ZFAND3: variants seen among roughly 807,000 people sequenced by gnomAD.
ZFAND3 encodes AN1-type zinc finger protein 3.
Under a neutral mutation model 29.6 loss-of-function variants are expected in ZFAND3, and 10 were observed. That is an observed-to-expected ratio of 0.34 (90% confidence interval 0.21 to 0.57). ZFAND3 has a LOEUF of 0.57. ZFAND3 is among the 20% of genes least tolerant of loss of function. ZFAND3 has a pLI of 0.86. For synonymous variants in ZFAND3, 128 were observed against 112.6 expected (o/e 1.14, Z -0.87); for missense variants, 230 against 304.5 (o/e 0.76, Z 1.82).
intron 2 of ZFAND3, among the ~76,000 whole-genome samples, chr6:37,999,876 C>G (rs1269248625): frequency 6.6e-6 from 1 of 152,112 alleles, no homozygotes; most frequent in Non-Finnish European, 1.5e-5. Flanking sequence ...TTAATTGTAA[C>G]AAATATACCA....
rs73730822 is a variant in ZFAND3 at position 37,852,544 on chromosome 6, T to G, written c.71+32528T>G. Among the ~76,000 whole-genome samples the G allele has an allele frequency of 5.1e-3, 779 of 152,324 alleles. 9 individuals carry two copies. The highest frequency in any genetic ancestry group is 0.017 in the African/African-American group (723 of 41,576). ...CACCTCATGCACATATCTTGCCGTTTCCAAACTCCATGCCTTCTTATTTCT... is the reference window on the plus strand; with the variant it reads ...CACCTCATGCACATATCTTGCCGTTGCCAAACTCCATGCCTTCTTATTTCT... On this transcript the variant is annotated intron_variant, in intron 1 of 5. Transcript: ENST00000287218.
intron 1 of ZFAND3, among the ~76,000 whole-genome samples, chr6:37,841,900 C>G (rs185677041): frequency 7.9e-4 from 120 of 152,306 alleles, no homozygotes; most frequent in African/African-American, 2.7e-3. Flanking sequence ...GCTACTATAA[C>G]AAAATACTTG....
chr6:38,011,066 A>G lies in ZFAND3; in HGVS notation c.113-50527A>G, dbSNP rs368980171. On this transcript the variant is annotated intron_variant, in intron 2 of 5. Transcript: ENST00000287218. ...CTCATTTTGCTTTTTCTAAAAATTC[A>G]TATTAATGGATGTATACAGTTGTGT... Among the ~76,000 whole-genome samples, 240 of 152,164 alleles carry G rather than the reference A, an allele frequency of 1.6e-3. 1 individual carries two copies. The highest frequency in any genetic ancestry group is 5.4e-3 in the African/African-American group (225 of 41,516).
At chr6:37,886,875 A>T (rs1765004518) in intron 1 of ZFAND3, among the ~76,000 whole-genome samples, 1 of 152,128 alleles carries the variant, frequency 6.6e-6, no homozygotes, top group Non-Finnish European at 1.5e-5. Context: ...GTGGTGGCAC[A>T]TGCCTGTAAT....
intron 2 of ZFAND3, among the ~76,000 whole-genome samples, chr6:37,988,254 A>G (rs1041136913): frequency 6.6e-6 from 1 of 152,196 alleles, no homozygotes; most frequent in African/African-American, 2.4e-5. Context: ...GTGGAAGCAC[A>G]TAGGATTCTT....
chr6:37,968,857 G>T (rs759323568), intron 2 of ZFAND3, among the ~76,000 whole-genome samples: 1 of 152,160 alleles, frequency 6.6e-6, no homozygotes, highest in Non-Finnish European at 1.5e-5. Context: ...TGAAACACCC[G>T]AGTGTGTCCA....
chr6:38,118,093 T>C (rs1273502989), intron 5 of ZFAND3, among the ~76,000 whole-genome samples: 1 of 152,124 alleles, frequency 6.6e-6, no homozygotes, highest in East Asian at 1.9e-4. Flanking sequence ...TGGGAAACCG[T>C]AAAGAGGGTT....
At chr6:37,935,153 A>G (rs2127414823) in intron 2 of ZFAND3, among the ~76,000 whole-genome samples, 1 of 152,310 alleles carries the variant, frequency 6.6e-6, no homozygotes, top group African/African-American at 2.4e-5. Context: ...TGCTAAAGAA[A>G]GGTTTTGCTT....
chr6:37,888,218 A>G (rs1361841731), intron 1 of ZFAND3, among the ~76,000 whole-genome samples: 3 of 152,164 alleles, frequency 2.0e-5, no homozygotes, highest in Admixed American at 6.5e-5. Context: ...AGAAAAATAA[A>G]TTTTAATGTA....
At chr6:37,842,130 C>T (rs1195176722) in intron 1 of ZFAND3, among the ~76,000 whole-genome samples, 1 of 152,100 alleles carries the variant, frequency 6.6e-6, no homozygotes, top group Admixed American at 6.5e-5. Flanking sequence ...AGTTACCTCC[C>T]AGAAGCCCCA....
chr6:38,093,605 A>G (rs1455209988), intron 4 of ZFAND3, among the ~76,000 whole-genome samples: 1 of 152,150 alleles, frequency 6.6e-6, no homozygotes, highest in Non-Finnish European at 1.5e-5. Flanking sequence ...TTCCCACAGG[A>G]TCATGAAAGA....
At chr6:38,065,012 G>C (rs1386973959) in intron 3 of ZFAND3, among the ~76,000 whole-genome samples, 2 of 152,138 alleles carry the variant, frequency 1.3e-5, no homozygotes, top group Non-Finnish European at 2.9e-5. Flanking sequence ...AGGTTGCCAA[G>C]AGTGAGAGCA....
intron 2 of ZFAND3, among the ~76,000 whole-genome samples, chr6:37,966,602 T>TAA (rs769342093): frequency 2.0e-5 from 3 of 147,734 alleles, no homozygotes; most frequent in Admixed American, 6.7e-5. Flanking sequence ...GGATTTACCT[T>TAA]AAAAAAAAAA....
chr6:37,922,807 T>TA (rs1392863574), intron 1 of ZFAND3, among the ~76,000 whole-genome samples: 20 of 152,194 alleles, frequency 1.3e-4, no homozygotes, highest in African/African-American at 4.6e-4. Context: ...CCCAGGCACT[T>TA]ACCATGAATG....
intron 1 of ZFAND3, among the ~76,000 whole-genome samples, chr6:37,834,199 T>C (rs1289512502): frequency 6.6e-6 from 1 of 152,232 alleles, no homozygotes; most frequent in Non-Finnish European, 1.5e-5. Context: ...GCAACAACTT[T>C]TCATTGTCTC....
intron 4 of ZFAND3, among the ~76,000 whole-genome samples, chr6:38,114,715 AG>A (rs1190989712): frequency 9.2e-5 from 14 of 152,106 alleles, no homozygotes; most frequent in Non-Finnish European, 1.8e-4. Flanking sequence ...ACACACAGGG[AG>A]GCTAGGAAAG....
chr6:38,033,979 G>C (rs1437130572), intron 2 of ZFAND3, among the ~76,000 whole-genome samples: 3 of 152,038 alleles, frequency 2.0e-5, no homozygotes, highest in Admixed American at 2.0e-4. Context: ...TAAAATTCTA[G>C]AATTTAAAAA....
chr6:37,954,956 C>G (rs1762059862), intron 2 of ZFAND3, among the ~76,000 whole-genome samples: 2 of 152,180 alleles, frequency 1.3e-5, no homozygotes, highest in East Asian at 3.9e-4. Flanking sequence ...GTATAGTTAC[C>G]TCTAACCCTT....
At position 38,096,189 on chromosome 6, in the gene ZFAND3, C is replaced by T. The variant is rs1029836270; in HGVS notation, c.361+13732C>T. On this transcript the variant is annotated intron_variant, in intron 4 of 5. Transcript: ENST00000287218. Reference sequence around the variant, plus strand: ...TGTTGTTGTTGTCCCCCCCAACCCCCCGAGACAGAGTCTTGCTGTGTCACT... The same window carrying T: ...TGTTGTTGTTGTCCCCCCCAACCCCTCGAGACAGAGTCTTGCTGTGTCACT... 3.3e-5 allele frequency among the ~76,000 whole-genome samples: 5 copies of T among 151,932 alleles called. No homozygotes were observed. The East Asian group carries it at 9.7e-4, about 29-fold the overall frequency.
Sources: gnomAD v4.1 joint callset for allele counts (sites outside exome capture counted in the v4.1 genomes callset) on GRCh38, gnomAD v4.1.1 for gene constraint, MANE v1.5 for transcripts, NCBI Gene and HGNC (gene_info 2026-07-23, HGNC 2026-07-21) for gene names.